SEC22A: variants seen among roughly 807,000 people sequenced by gnomAD.
SEC22A encodes SEC22 homolog A, vesicle trafficking protein, also known as vesicle-trafficking protein SEC22a.
A neutral mutation model predicts 35.3 loss-of-function variants in SEC22A; 22 were observed. That is an observed-to-expected ratio of 0.62 (90% CI 0.45 to 0.89). The LOEUF is 0.89. Among genes scored for constraint, SEC22A ranks in the 40% least tolerant of loss-of-function variants. The probability of loss-of-function intolerance (pLI) is 0.00; values close to 1 mark genes in which losing one functional copy is unlikely to be tolerated. For missense variants in SEC22A, 354 were observed against 362.5 expected (o/e 0.98, Z 0.19); for synonymous variants, 119 against 129.5 (o/e 0.92, Z 0.55).
Position 123,250,416 on chromosome 3 carries a change from A to T in SEC22A, c.657+4402A>T, listed in dbSNP as rs1003523727. Among the ~76,000 whole-genome samples, 4 of 152,200 alleles carry T rather than the reference A, an allele frequency of 2.6e-5. No individual in the cohort carries two copies. In the East Asian group the frequency reaches 5.8e-4, roughly 22 times the overall value. ...CAAAGTGAGACTCCGTCTCAAAAAA[A>T]AAATAAAAAAATAAGAAGTTGGAGG... On this transcript the variant is annotated intron_variant, in intron 5 of 6. Coordinates refer to ENST00000492595, the MANE Select transcript of SEC22A (RefSeq NM_012430.5).
intron 2 of SEC22A, among the ~76,000 whole-genome samples, chr3:123,215,557 G>A (rs1278743518): frequency 2.6e-5 from 4 of 152,208 alleles, no homozygotes; most frequent in African/African-American, 9.6e-5. Flanking sequence ...CAAAGGGAAA[G>A]AGGGAAGGGA....
In SEC22A at chr3:123,245,961, T is replaced by G; in HGVS notation, c.604T>G (p.Cys202Gly). 6.2e-7 allele frequency: 1 copy of G among 1,613,516 alleles called. No homozygotes were observed. The change falls in exon 5 of 7, where the codon TGT (cysteine) becomes GGT (glycine). Residue 202 changes from cysteine (C) to glycine (G), a missense_variant. Physicochemically the swap from Cys to Gly is radical, Grantham distance 159. Coordinates refer to ENST00000492595, the MANE Select transcript of SEC22A (RefSeq NM_012430.5). ...GIVGFILSLL[C>G]GALNLIRGFH... ...TGTAGGATTTATCCTTAGTCTTTTA[T>G]GTGGAGCTCTGAATTTAATTCGAGG...
chr3:123,202,320 G>C (rs912399460), intron 1 of SEC22A: 1 of 152,496 alleles, frequency 6.6e-6, no homozygotes, highest in African/African-American at 2.4e-5. Context: ...AGTCGCACTT[G>C]GCTGTCAGCA....
intron 2 of SEC22A, among the ~76,000 whole-genome samples, chr3:123,214,051 C>T (rs1458933974): frequency 3.1e-5 from 4 of 127,204 alleles, no homozygotes; most frequent in Non-Finnish European, 5.2e-5. Flanking sequence ...AATAAAAAGC[C>T]GGGTGTGGTG....
intron 5 of SEC22A, among the ~76,000 whole-genome samples, chr3:123,253,414 A>C (rs1937641168): frequency 1.3e-5 from 2 of 152,188 alleles, no homozygotes; most frequent in South Asian, 4.1e-4. Context: ...TGCCTTTTAA[A>C]GAAATTATGT....
At chr3:123,203,431 C>T (rs192093029) in intron 1 of SEC22A, among the ~76,000 whole-genome samples, 4 of 152,214 alleles carry the variant, frequency 2.6e-5, no homozygotes, top group East Asian at 3.9e-4. Flanking sequence ...TAGCATGTTA[C>T]AAGGCAATGT....
intron 2 of SEC22A, among the ~76,000 whole-genome samples, chr3:123,214,535 A>C (rs907196218): frequency 6.6e-6 from 1 of 152,238 alleles, no homozygotes; most frequent in African/African-American, 2.4e-5. Flanking sequence ...AATTCTCTCT[A>C]TATAAAATTT....
chr3:123,264,354 T>C (rs1937973547), intron 6 of SEC22A, among the ~76,000 whole-genome samples: 1 of 152,246 alleles, frequency 6.6e-6, no homozygotes, highest in South Asian at 2.1e-4. Context: ...TGCCAGATCA[T>C]GTGGTAGTTT....
At position 123,273,144 on chromosome 3, in the gene SEC22A, C is replaced by T. The variant is rs900177143; in HGVS notation, c.*1422C>T. 2.6e-5 allele frequency: 4 copies of T among 152,140 alleles called. No homozygotes were observed. The highest frequency in any genetic ancestry group is 5.9e-5 in the Non-Finnish European group (4 of 68,006). The allele number at this position is 152,140 out of a possible 1,614,324, so 9.4% of individuals were successfully genotyped here. A position where few individuals can be genotyped will look rare whatever the true frequency, so the allele number is the denominator to read the frequency against. On this transcript the variant is annotated 3_prime_UTR_variant, in exon 7 of 7. Transcript: ENST00000492595. ...TTGATATCATCCAGAAAAACAGATC[C>T]CATTACATTGTAATTGTTGTTACTA...
chr3:123,251,395 A>G (rs13321039), intron 5 of SEC22A, among the ~76,000 whole-genome samples: 29,856 of 152,098 alleles, frequency 0.2, 3,040 homozygotes, highest in Middle Eastern at 0.27. Flanking sequence ...CTTAGACTAA[A>G]TTACTCTAAC....
intron 4 of SEC22A, among the ~76,000 whole-genome samples, chr3:123,231,069 A>G (rs902248263): frequency 6.6e-6 from 1 of 152,206 alleles, no homozygotes; most frequent in African/African-American, 2.4e-5. Context: ...TGAGAGGTAA[A>G]GCATGACATT....
At chr3:123,266,719 T>C (rs1371827426) in intron 6 of SEC22A, among the ~76,000 whole-genome samples, 2 of 152,102 alleles carry the variant, frequency 1.3e-5, no homozygotes, top group African/African-American at 4.8e-5. Context: ...TGTCTTGTTA[T>C]ATGTTCCATA....
chr3:123,203,648 C>T, intron 1 of SEC22A, among the ~76,000 whole-genome samples: 1 of 152,092 alleles, frequency 6.6e-6, no homozygotes, highest in East Asian at 1.9e-4. Context: ...TTCTATATCC[C>T]TGGTTTCTTG....
intron 5 of SEC22A, among the ~76,000 whole-genome samples, chr3:123,249,962 AG>A (rs1937597805): frequency 6.6e-6 from 1 of 152,226 alleles, no homozygotes. Flanking sequence ...TTTATTTACA[AG>A]GGTTTTATTT....
chr3:123,246,581 G>A (rs530195594), intron 5 of SEC22A, among the ~76,000 whole-genome samples: 1 of 152,124 alleles, frequency 6.6e-6, no homozygotes, highest in Non-Finnish European at 1.5e-5. Flanking sequence ...TTCAGATATT[G>A]CTAACTATTA....
At chr3:123,216,893 A>G (rs1376117983) in intron 2 of SEC22A, among the ~76,000 whole-genome samples, 3 of 152,174 alleles carry the variant, frequency 2.0e-5, no homozygotes, top group Non-Finnish European at 4.4e-5. Context: ...CAGTGGCACA[A>G]TCAGCTCATA....
chr3:123,231,697 G>T (rs905361415), intron 4 of SEC22A, among the ~76,000 whole-genome samples: 7 of 152,030 alleles, frequency 4.6e-5, no homozygotes, highest in Admixed American at 3.3e-4. Flanking sequence ...AAAATTTATC[G>T]CTGTAAATGC....
intron 4 of SEC22A, 114 bp from the exon 5 acceptor site, chr3:123,245,785 T>C (rs1411417839): frequency 2.0e-5 from 13 of 640,322 alleles, no homozygotes; most frequent in Non-Finnish European, 3.7e-5. Context: ...TGTTAAATAA[T>C]TCTATGAAGT....
intron 1 of SEC22A, among the ~76,000 whole-genome samples, chr3:123,208,160 CCTT>C (rs1166682810): frequency 3.9e-5 from 6 of 152,056 alleles, no homozygotes; most frequent in Non-Finnish European, 7.4e-5. Context: ...ACTTTTTTCT[CCTT>C]AACATGTAAG....
Sources: allele counts gnomAD v4.1 joint callset (sites outside exome capture counted in the v4.1 genomes callset), GRCh38; gene constraint gnomAD v4.1.1; transcripts MANE v1.5; gene names NCBI Gene and HGNC (gene_info 2026-07-23, HGNC 2026-07-21).